The following THADA variants were observed in gnomAD, a reference collection of about 807,000 sequenced individuals.
THADA encodes the protein tRNA (32-2'-O)-methyltransferase regulator THADA.
Under a neutral mutation model 219.8 loss-of-function variants are expected in THADA, and 213 were observed. The observed-to-expected ratio is 0.97, with a 90% confidence interval of 0.87 to 1.09. The LOEUF is 1.09. THADA is among the 50% of genes least tolerant of loss of function. The pLI, the probability that THADA is intolerant of heterozygous loss-of-function variation, is 0.00. For missense variants in THADA, 2,956 were observed against 2,311.3 expected, an observed-to-expected ratio of 1.28 and a Z score of -5.72; for synonymous variants, 1,018 against 828.9, an observed-to-expected ratio of 1.23 and a Z score of -3.92.
At position 43,572,108 on chromosome 2, in the gene THADA, T is replaced by C. The variant is rs565991081; in HGVS notation, c.1909-246A>G. On this transcript the variant is annotated intron_variant, in intron 12 of 37. Transcript: ENST00000405975. The stretch of plus-strand genomic sequence containing the variant: ...CTTAAAGATTTTTATTCCGTGGTAA[T>C]GCTCAGCTTCATTCCTTTTTCTTTT... Among the ~76,000 whole-genome samples, 123 of 152,334 alleles carry C rather than the reference T, an allele frequency of 8.1e-4. 1 individual carries two copies. Among genetic ancestry groups the C allele is most frequent in the African/African-American group, 2.9e-3 (120 of 41,586 alleles).
chr2:43,307,687 A>G (rs921136135), intron 31 of THADA, among the ~76,000 whole-genome samples: 1 of 152,220 alleles, frequency 6.6e-6, no homozygotes, highest in Non-Finnish European at 1.5e-5. Flanking sequence ...GAAGAATCCA[A>G]CCAATCCTAA....
At chr2:43,341,296 T>A (rs1573157440) in intron 30 of THADA, among the ~76,000 whole-genome samples, 2 of 152,192 alleles carry the variant, frequency 1.3e-5, no homozygotes, top group Admixed American at 6.6e-5. Context: ...TAAATTGCAG[T>A]GATTCATTCC....
chr2:43,565,805 C>T (rs2103969049), intron 15 of THADA: 2 of 152,530 alleles, frequency 1.3e-5, no homozygotes, highest in Non-Finnish European at 2.9e-5. Context: ...AGAATCATTT[C>T]AGCAGGACAC....
intron 21 of THADA, among the ~76,000 whole-genome samples, chr2:43,533,077 A>G (rs781252439): frequency 6.6e-6 from 1 of 152,240 alleles, no homozygotes; most frequent in Non-Finnish European, 1.5e-5. Context: ...AAAGTGGGCA[A>G]AGGATATAAA....
chr2:43,373,704 T>C (rs1573333707), intron 29 of THADA, among the ~76,000 whole-genome samples: 1 of 152,152 alleles, frequency 6.6e-6, no homozygotes, highest in African/African-American at 2.4e-5. Flanking sequence ...CTCGAACTCC[T>C]TGGCCTCATG....
intron 35 of THADA, among the ~76,000 whole-genome samples, chr2:43,280,265 G>A (rs752303207): frequency 1.3e-5 from 2 of 152,140 alleles, no homozygotes; most frequent in Non-Finnish European, 2.9e-5. Flanking sequence ...AACTAGCCCA[G>A]TGTTGATTCA....
chr2:43,392,194 A>G (rs553745847), intron 29 of THADA, among the ~76,000 whole-genome samples: 12 of 152,334 alleles, frequency 7.9e-5, no homozygotes, highest in Non-Finnish European at 1.5e-4. Flanking sequence ...AGTTTTAAGA[A>G]ATATAAATGA....
intron 28 of THADA, among the ~76,000 whole-genome samples, chr2:43,424,913 AAGGAACAGAT>A (rs1678217025): frequency 6.6e-6 from 1 of 152,164 alleles, no homozygotes; most frequent in Non-Finnish European, 1.5e-5. Flanking sequence ...AAAGCAAAAT[AAGGAACAGAT>A]CCCACCATTG....
chr2:43,572,120 T>C (rs1254995615), intron 12 of THADA, among the ~76,000 whole-genome samples: 2 of 152,198 alleles, frequency 1.3e-5, no homozygotes, highest in Admixed American at 1.3e-4. Flanking sequence ...CTCAGCTTCA[T>C]TCCTTTTTCT....
chr2:43,474,981 T>C (rs1685341111), intron 26 of THADA, among the ~76,000 whole-genome samples: 1 of 151,350 alleles, frequency 6.6e-6, no homozygotes, highest in Non-Finnish European at 1.5e-5. Context: ...ACATTTAGAG[T>C]TTAGAGGACA....
intron 36 of THADA, among the ~76,000 whole-genome samples, chr2:43,265,737 T>C (rs1671439020): frequency 6.6e-6 from 1 of 152,106 alleles, no homozygotes; most frequent in Non-Finnish European, 1.5e-5. Flanking sequence ...CCGAATCCTT[T>C]TCCAAACACA....
At chr2:43,232,610 G>T in intron 37 of THADA, 103 bp downstream of exon 37, 2 of 1,279,380 alleles carry the variant, frequency 1.6e-6, no homozygotes, top group Non-Finnish European at 2.2e-6. Flanking sequence ...TTCCTGCTCT[G>T]TGTCTAAGCA....
chr2:43,515,293 T>C (rs1180414643), intron 22 of THADA, among the ~76,000 whole-genome samples: 1 of 56,392 alleles, frequency 1.8e-5, no homozygotes, highest in Admixed American at 3.2e-4. Context: ...TTATATATAA[T>C]ATATAATATG....
chr2:43,468,613 T>A (rs1684546481), intron 26 of THADA, among the ~76,000 whole-genome samples: 1 of 152,170 alleles, frequency 6.6e-6, no homozygotes, highest in Admixed American at 6.5e-5. Flanking sequence ...TACTCAATTA[T>A]ACTCAATCAG....
chr2:43,231,430 A>T, intron 37 of THADA, 87 bp from the exon 38 acceptor site: 1 of 1,368,692 alleles, frequency 7.3e-7, no homozygotes, highest in Non-Finnish European at 9.6e-7. Flanking sequence ...TGCCAGATGC[A>T]AGAGGGGTTT....
In THADA at chr2:43,515,276, TAATATA is replaced by T. The variant is rs1478752679; in HGVS notation, c.3375-6502_3375-6497del. 7.3e-4 allele frequency among the ~76,000 whole-genome samples: 48 copies of T among 65,506 alleles called. 1 individual carries two copies. Among genetic ancestry groups the T allele is most frequent in the Non-Finnish European group, 1.2e-3 (44 of 36,860 alleles). The allele number at this position is 65,506 out of a possible 152,430, so 43.0% of individuals were successfully genotyped here. On this transcript the variant is annotated intron_variant, in intron 22 of 37. Coordinates refer to ENST00000405975, the MANE Select transcript of THADA (RefSeq NM_022065.5). ...TATATAATATATAATATATAATATA[TAATATA>T]TTATATATAATATATAATATGTAAT...
At chr2:43,367,915 G>A (rs1166137289) in intron 29 of THADA, among the ~76,000 whole-genome samples, 3 of 152,054 alleles carry the variant, frequency 2.0e-5, no homozygotes, top group Non-Finnish European at 4.4e-5. Context: ...TCAAGAGATC[G>A]AGACCATCCT....
intron 29 of THADA, among the ~76,000 whole-genome samples, chr2:43,362,971 T>A (rs944207121): frequency 3.9e-5 from 6 of 152,186 alleles, no homozygotes; most frequent in African/African-American, 1.4e-4. Context: ...ATCATCAAAA[T>A]CACCATCTTC....
At chr2:43,566,643 AG>A in intron 15 of THADA, 54 bp downstream of exon 15, 1 of 1,572,586 alleles carries the variant, frequency 6.4e-7, no homozygotes, top group Non-Finnish European at 8.7e-7. Flanking sequence ...ATGTAGAATA[AG>A]TATGTTTTGA....
Sources: gnomAD v4.1 joint callset for allele counts (sites outside exome capture counted in the v4.1 genomes callset) on GRCh38, gnomAD v4.1.1 for gene constraint, MANE v1.5 for transcripts, NCBI Gene and HGNC (gene_info 2026-07-23, HGNC 2026-07-21) for gene names.